Variants in ESCO1 observed in about 807,000 individuals in gnomAD.
ESCO1 encodes the protein N-acetyltransferase ESCO1.
A neutral mutation model predicts 83.5 loss-of-function variants in ESCO1; 33 were observed. The observed-to-expected ratio is 0.40, with a 90% CI of 0.30 to 0.53. The LOEUF (loss-of-function observed/expected upper bound fraction) is 0.53. ESCO1 is among the 20% of genes least tolerant of loss of function. ESCO1 has a pLI of 0.63. For missense variants in ESCO1, 855 were observed against 968.0 expected (o/e 0.88, Z 1.55); for synonymous variants, 332 against 324.3 (o/e 1.02, Z -0.25).
chr18:21,569,006 T>C (rs922741390), intron 4 of ESCO1, among the ~76,000 whole-genome samples: 1 of 152,224 alleles, frequency 6.6e-6, no homozygotes, highest in Non-Finnish European at 1.5e-5. Flanking sequence ...AAATCACATA[T>C]GTGGCTCACT....
intron 1 of ESCO1, among the ~76,000 whole-genome samples, chr18:21,597,558 T>G (rs1273205095): frequency 6.6e-6 from 1 of 151,974 alleles, no homozygotes; most frequent in East Asian, 1.9e-4. Flanking sequence ...GTTTAATTAT[T>G]TCAAATGAAT....
Position 21,564,248 on chromosome 18 carries a change from C to G in ESCO1, c.1776G>C (p.Leu592Phe). The G allele has an allele frequency of 1.9e-6, 3 of 1,611,488 alleles. No homozygotes were observed. The highest frequency in any genetic ancestry group is 2.5e-6 in the Non-Finnish European group (3 of 1,178,802). Residue 592 changes from leucine to phenylalanine, a missense_variant, in exon 7 of 12, where the codon TTG becomes TTC. By Grantham distance (22) the Leu-to-Phe change is conservative (BLOSUM62 0). Around this residue, in one of 2 missense-constraint regions of ESCO1, gnomAD observed 726 missense variants for 699.5 expected, o/e 1.04. Transcript: ENST00000269214. ...CAGTTTTCTCTGCTTCTTTTAGTTT[C>G]AAGTCCTTTGGAATTGTTATCTCCA... ...SHLEITIPKD[L>F]KLKEAEKTDE... is the part of the protein sequence containing the mutation.
chr18:21,570,029 G>C (rs1287751637), intron 4 of ESCO1, among the ~76,000 whole-genome samples: 1 of 152,156 alleles, frequency 6.6e-6, no homozygotes, highest in Admixed American at 6.5e-5. Context: ...CACATTTCCT[G>C]ATCACTCTGT....
chr18:21,586,845 T>A (rs1412635518), intron 1 of ESCO1, among the ~76,000 whole-genome samples: 3 of 152,166 alleles, frequency 2.0e-5, no homozygotes, highest in Admixed American at 6.6e-5. Context: ...TTCCTAAGTT[T>A]AGGGGGAAAG....
At chr18:21,561,709 T>C (rs2038188249) in intron 7 of ESCO1, among the ~76,000 whole-genome samples, 1 of 152,062 alleles carries the variant, frequency 6.6e-6, no homozygotes, top group Non-Finnish European at 1.5e-5. Context: ...ATTACAGGCA[T>C]GAGCCACCAC....
At chr18:21,594,410 C>T (rs2038729901) in intron 1 of ESCO1, among the ~76,000 whole-genome samples, 2 of 152,222 alleles carry the variant, frequency 1.3e-5, no homozygotes, top group Admixed American at 6.5e-5. Context: ...CTTATTTCTA[C>T]ATATCCTCCC....
intron 1 of ESCO1, among the ~76,000 whole-genome samples, chr18:21,590,951 A>C (rs965625117): frequency 7.0e-6 from 1 of 142,652 alleles, no homozygotes; most frequent in East Asian, 2.5e-4. Context: ...CAAAAGAAAA[A>C]AAAAAAAGAA....
intron 1 of ESCO1, among the ~76,000 whole-genome samples, chr18:21,595,083 GC>G (rs762314018): frequency 6.6e-6 from 1 of 151,782 alleles, no homozygotes; most frequent in Non-Finnish European, 1.5e-5. Flanking sequence ...CTGGGTTCAA[GC>G]GATCCACCTG....
chr18:21,585,140 CAAAAA>C (rs34965491), intron 1 of ESCO1, among the ~76,000 whole-genome samples: 2 of 113,514 alleles, frequency 1.8e-5, no homozygotes, highest in Admixed American at 9.1e-5. Flanking sequence ...GACTCCATCT[CAAAAA>C]AAAAAAAAAA....
At chr18:21,583,404 G>A (rs1366295273) in intron 2 of ESCO1, among the ~76,000 whole-genome samples, 1 of 152,116 alleles carries the variant, frequency 6.6e-6, no homozygotes, top group East Asian at 1.9e-4. Flanking sequence ...AGCACTTTGA[G>A]GGGCCAAGGC....
chr18:21,559,987 C>T (rs1050547387), intron 8 of ESCO1, among the ~76,000 whole-genome samples: 2 of 151,636 alleles, frequency 1.3e-5, no homozygotes, highest in African/African-American at 4.8e-5. Flanking sequence ...ATGAATTTAA[C>T]GGAGGCCAAT....
chr18:21,536,461 T>G, intron 9 of ESCO1, among the ~76,000 whole-genome samples: 1 of 151,890 alleles, frequency 6.6e-6, no homozygotes, highest in East Asian at 1.9e-4. Flanking sequence ...TGCCGCAGTG[T>G]GCGCCTGTAA....
At chr18:21,564,858 G>A (rs1373620472) in intron 6 of ESCO1, among the ~76,000 whole-genome samples, 1 of 151,520 alleles carries the variant, frequency 6.6e-6, no homozygotes, top group Admixed American at 6.6e-5. Flanking sequence ...TCAGGAGATC[G>A]CGACCAGCCT....
At chr18:21,564,453 C>T in intron 6 of ESCO1, 136 bp from the exon 7 acceptor site, 29 of 568,930 alleles carry the variant, frequency 5.1e-5, no homozygotes, top group Non-Finnish European at 8.0e-5. Context: ...TGCAGTGGCG[C>T]AATCTTGGCT....
chr18:21,560,197 T>C (rs1183715864), intron 8 of ESCO1, among the ~76,000 whole-genome samples: 2 of 152,048 alleles, frequency 1.3e-5, no homozygotes, highest in African/African-American at 4.8e-5. Context: ...TCACAAGATA[T>C]CTGAAATGGT....
intron 4 of ESCO1, among the ~76,000 whole-genome samples, chr18:21,569,601 T>C (rs1194865727): frequency 6.6e-6 from 1 of 151,952 alleles, no homozygotes; most frequent in Non-Finnish European, 1.5e-5. Flanking sequence ...AAAAATTAGC[T>C]GGGTGTGGTG....
Position 21,578,028 on chromosome 18 carries a change from T to TCTACCTATAAAA in ESCO1, c.-693-2252_-693-2251insTTTTATAGGTAG, listed in dbSNP as rs2038443868. Reference sequence around the variant, plus strand: ...AAAATACCTAAAAATACTGATAAGGTCTACCTATAATCGCTAAGACACACA... The same window carrying TCTACCTATAAAA: ...AAAATACCTAAAAATACTGATAAGGTCTACCTATAAAACTACCTATAATCGCTAAGACACACA... On this transcript the variant is annotated intron_variant, in intron 2 of 11. Coordinates refer to ENST00000269214, the MANE Select transcript of ESCO1 (RefSeq NM_052911.3). Among the ~76,000 whole-genome samples the TCTACCTATAAAA allele has an allele frequency of 3.3e-5, 5 of 152,110 alleles. No homozygotes were observed. In the East Asian group the frequency reaches 9.7e-4, roughly 29 times the overall value.
chr18:21,547,468 T>C (rs2037989013), intron 8 of ESCO1, among the ~76,000 whole-genome samples: 1 of 152,070 alleles, frequency 6.6e-6, no homozygotes. Context: ...TTTTCTACTA[T>C]GCCACACTGA....
intron 2 of ESCO1, among the ~76,000 whole-genome samples, chr18:21,582,737 C>A (rs1160409602): frequency 6.6e-6 from 1 of 152,184 alleles, no homozygotes; most frequent in African/African-American, 2.4e-5. Context: ...AAAACCAACA[C>A]AAAATATCAT....
Sources: gnomAD v4.1 joint callset for allele counts (sites outside exome capture counted in the v4.1 genomes callset) on GRCh38, gnomAD v4.1.1 for gene constraint, gnomAD v4.1.1 regional missense constraint, MANE v1.5 for transcripts, NCBI Gene and HGNC (gene_info 2026-07-23, HGNC 2026-07-21) for gene names.